CFAP20DC: variants seen among roughly 807,000 people sequenced by gnomAD.
The protein encoded by CFAP20DC is CFAP20 domain containing, also known as protein CFAP20DC.
CFAP20DC carries 84 observed loss-of-function variants against 101.7 expected under a neutral mutation model. The ratio of observed to expected loss-of-function variants is 0.83; its 90% CI spans 0.69 to 0.99. The LOEUF is 0.99. Among genes scored for constraint, CFAP20DC ranks in the 50% least tolerant of loss-of-function variants. The pLI is 0.00. For missense variants in CFAP20DC, 1,007 were observed against 970.3 expected (o/e 1.04, Z -0.50); for synonymous variants, 359 against 351.2 (o/e 1.02, Z -0.25).
intron 5 of CFAP20DC, among the ~76,000 whole-genome samples, chr3:58,921,787 G>A (rs571686297): frequency 2.6e-5 from 4 of 152,228 alleles, no homozygotes; most frequent in African/African-American, 9.6e-5. Context: ...CAATTTCTGA[G>A]GAAGGAGTCT....
At chr3:58,973,559 C>T (rs970074847) in intron 4 of CFAP20DC, among the ~76,000 whole-genome samples, 2 of 152,180 alleles carry the variant, frequency 1.3e-5, no homozygotes, top group Non-Finnish European at 2.9e-5. Flanking sequence ...TCATTGGCCT[C>T]ACACTGCTCT....
chr3:59,036,734 G>A (rs2094110322), intron 4 of CFAP20DC, among the ~76,000 whole-genome samples: 1 of 152,140 alleles, frequency 6.6e-6, no homozygotes, highest in African/African-American at 2.4e-5. Flanking sequence ...GTAATTTATA[G>A]ATTCAATGTC....
At chr3:58,857,294 A>G (rs2078911716) in intron 12 of CFAP20DC, among the ~76,000 whole-genome samples, 1 of 152,192 alleles carries the variant, frequency 6.6e-6, no homozygotes, top group Non-Finnish European at 1.5e-5. Flanking sequence ...TTTGGTAAGA[A>G]GTGTATTTTT....
chr3:59,021,881 G>C (rs1211728737), intron 4 of CFAP20DC, among the ~76,000 whole-genome samples: 2 of 151,994 alleles, frequency 1.3e-5, no homozygotes, highest in Non-Finnish European at 2.9e-5. Context: ...TTTTGCAGTT[G>C]GGTTCCTTAA....
In CFAP20DC at chr3:58,813,549, G is replaced by A. The variant is rs181457019; in HGVS notation, c.2176-7093C>T. Reference sequence around the variant, plus strand: ...GTGGCCCCTGACTGAGGAGAACAACGTAGCCATGGTGCCTGTATATACAGA... The same window carrying A: ...GTGGCCCCTGACTGAGGAGAACAACATAGCCATGGTGCCTGTATATACAGA... On this transcript the variant is annotated intron_variant, in intron 14 of 16. Transcript: ENST00000482387. Among the ~76,000 whole-genome samples the A allele has an allele frequency of 1.7e-4, 26 of 151,892 alleles. 1 individual carries two copies. Among genetic ancestry groups the A allele is most frequent in the African/African-American group, 6.3e-4 (26 of 41,200 alleles).
chr3:59,037,780 A>G (rs2094130362), intron 4 of CFAP20DC, among the ~76,000 whole-genome samples: 2 of 152,228 alleles, frequency 1.3e-5, no homozygotes, highest in South Asian at 4.1e-4. Context: ...TACCTGGTAT[A>G]TACCCAAAGG....
chr3:59,032,765 G>A (rs1173652594), intron 4 of CFAP20DC, among the ~76,000 whole-genome samples: 2 of 152,102 alleles, frequency 1.3e-5, no homozygotes, highest in Non-Finnish European at 2.9e-5. Flanking sequence ...GCGGCTGTGG[G>A]CACAGCTTCA....
At chr3:58,723,152 T>C (rs1439988310) in intron 3 of CFAP20DC, among the ~76,000 whole-genome samples, 1 of 152,264 alleles carries the variant, frequency 6.6e-6, no homozygotes, top group African/African-American at 2.4e-5. Context: ...CAATAATAAA[T>C]ACTTACCAAG....
intron 16 of CFAP20DC, among the ~76,000 whole-genome samples, chr3:58,746,023 C>T (rs2068172640): frequency 6.6e-6 from 1 of 152,098 alleles, no homozygotes; most frequent in South Asian, 2.1e-4. Flanking sequence ...GTGAGCCAGA[C>T]ACAAAAAGGG....
intron 4 of CFAP20DC, chr3:59,017,701 CAGTT>C (rs1222091130): frequency 6.6e-6 from 1 of 152,076 alleles, no homozygotes; most frequent in African/African-American, 2.4e-5. Context: ...GTGAGAGTAT[CAGTT>C]AGGACTCTTT....
chr3:58,977,528 A>T (rs914367600), intron 4 of CFAP20DC, among the ~76,000 whole-genome samples: 8 of 152,190 alleles, frequency 5.3e-5, no homozygotes, highest in Admixed American at 1.3e-4. Flanking sequence ...GCTATAGTGC[A>T]TGTGTAGCTG....
chr3:58,890,381 G>A (rs1356012892), intron 6 of CFAP20DC, among the ~76,000 whole-genome samples: 14 of 135,180 alleles, frequency 1.0e-4, no homozygotes, highest in East Asian at 2.2e-4. Flanking sequence ...CAGTAGGGGC[G>A]GCCGGGCAGA....
chr3:58,878,536 A>G (rs1016512049), intron 7 of CFAP20DC, among the ~76,000 whole-genome samples: 3 of 152,124 alleles, frequency 2.0e-5, no homozygotes, highest in African/African-American at 7.2e-5. Context: ...CAAGTTTATC[A>G]TTTCAAGAAA....
At chr3:58,909,781 T>C (rs894974920) in intron 6 of CFAP20DC, among the ~76,000 whole-genome samples, 2 of 152,170 alleles carry the variant, frequency 1.3e-5, no homozygotes, top group Admixed American at 1.3e-4. Context: ...GTTTGTTACA[T>C]AGGTAAACAT....
rs1219793319 is a variant in CFAP20DC at position 58,892,010 on chromosome 3, T to A, written c.551-7301A>T. Among the ~76,000 whole-genome samples, 1 of 152,220 alleles carries A rather than the reference T, an allele frequency of 6.6e-6. No individual in the cohort carries two copies. The highest frequency in any genetic ancestry group is 1.5e-5 in the Non-Finnish European group (1 of 68,028). ...AATCCATCTTGAGTTGATTTTTGTA[T>A]ATGGTGTAAGAAAGGGGTCCAGCTT... On this transcript the variant is annotated intron_variant, in intron 6 of 16. Transcript: ENST00000482387. This position sits in a 1 kb window ranked among gnomAD's most constrained non-coding sequence, Gnocchi z 4.0.
Position 58,861,921 on chromosome 3 carries a change from A to G in CFAP20DC, c.1593+1637T>C, listed in dbSNP as rs1446231950. 1.0e-6 allele frequency: 1 copy of G among 985,322 alleles called. No individual in the cohort carries two copies. The highest frequency in any genetic ancestry group is 1.7e-5 in the African/African-American group (1 of 57,384). 61.0% of individuals were successfully genotyped at this position (985,322 alleles called of 1,614,324 possible). A position where few individuals can be genotyped will look rare whatever the true frequency, so the allele number is the denominator to read the frequency against. On this transcript the variant is annotated intron_variant, in intron 12 of 16. Coordinates refer to ENST00000482387, the MANE Select transcript of CFAP20DC (RefSeq NM_001394063.1). The surrounding 1 kb of genome is among the most constrained non-coding windows in gnomAD (Gnocchi z 4.0). ...TAGTTGGTAACAAATACACATCTGCATAATAAACGTTGAAGGATGTCAGAG... is the reference window on the plus strand; with the variant it reads ...TAGTTGGTAACAAATACACATCTGCGTAATAAACGTTGAAGGATGTCAGAG...
chr3:58,796,449 G>A (rs1481617751), intron 15 of CFAP20DC, among the ~76,000 whole-genome samples: 1 of 152,154 alleles, frequency 6.6e-6, no homozygotes, highest in Admixed American at 6.5e-5. Context: ...GGTTAGAAAA[G>A]TCATTCTGGG....
Position 58,861,999 on chromosome 3 carries a change from C to T in CFAP20DC, c.1593+1559G>A. On this transcript the variant is annotated intron_variant, in intron 12 of 16. Coordinates refer to ENST00000482387, the MANE Select transcript of CFAP20DC (RefSeq NM_001394063.1). This position sits in a 1 kb window ranked among gnomAD's most constrained non-coding sequence, Gnocchi z 4.0. The stretch of plus-strand genomic sequence containing the variant: ...TTAAGTGATATCAAATTAAAATATT[C>T]AGAGCTAGTATTCTTCATTTTCCCA... 1.0e-6 allele frequency: 1 copy of T among 985,350 alleles called. No homozygotes were observed. The highest frequency in any genetic ancestry group is 4.7e-5 in the South Asian group (1 of 21,282). 61.0% of individuals were successfully genotyped at this position (985,350 alleles called of 1,614,324 possible). A position where few individuals can be genotyped will look rare whatever the true frequency, so the allele number is the denominator to read the frequency against.
At chr3:58,767,150 C>T (rs1447095771) in intron 15 of CFAP20DC, among the ~76,000 whole-genome samples, 3 of 152,118 alleles carry the variant, frequency 2.0e-5, no homozygotes, top group Admixed American at 6.6e-5. Context: ...CTTTCTTAGC[C>T]AAGAATACTG....
Sources: allele counts gnomAD v4.1 joint callset (sites outside exome capture counted in the v4.1 genomes callset), GRCh38; gene constraint gnomAD v4.1.1; non-coding constraint Gnocchi (gnomAD v3.1); transcripts MANE v1.5; gene names NCBI Gene and HGNC (gene_info 2026-07-23, HGNC 2026-07-21).